Variants in EDDM13 observed in about 807,000 individuals in gnomAD.
EDDM13 encodes epididymal protein 13.
In EDDM13, 24 loss-of-function variants were observed where a neutral mutation model predicts 17.8. The ratio of observed to expected loss-of-function variants is 1.35; its 90% CI spans 0.98 to 1.90. The LOEUF (loss-of-function observed/expected upper bound fraction) is 1.90, where lower values mean the gene tolerates loss of function less well. Ranked by LOEUF, EDDM13 falls within the 40% of genes most tolerant of loss-of-function variation. The probability of loss-of-function intolerance (pLI) is 0.00; values close to 1 mark genes in which losing one functional copy is unlikely to be tolerated. For synonymous variants in EDDM13, 31 were observed against 37.5 expected (o/e 0.83, Z 0.63); for missense variants, 97 against 100.8 (o/e 0.96, Z 0.16).
At chr19:56,281,767 G>A (rs559930022) in intron 3 of EDDM13, 69 bp downstream of exon 3, 31 of 941,504 alleles carry the variant, frequency 3.3e-5, no homozygotes, top group Non-Finnish European at 3.7e-5. Context: ...GGAAGGGAAT[G>A]AAAGAGAGAG....
At position 56,276,086 on chromosome 19, in the gene EDDM13, C is replaced by T. The variant is rs1359962090; in HGVS notation, c.86-6C>T. On this transcript the variant is annotated splice_polypyrimidine_tract_variant and splice_region_variant and intron_variant, in intron 1 of 14. Coordinates refer to ENST00000649256, the MANE Select transcript of EDDM13 (RefSeq NM_001354658.2). ...TGAACTGGCTGGCTGATGCTTTTGT[C>T]TCCAGTTGCAACTAAAGAAAAAAGT... 6.6e-6 allele frequency among the ~76,000 whole-genome samples: 1 copy of T among 152,186 alleles called. No homozygotes were observed. The highest frequency in any genetic ancestry group is 2.4e-5 in the African/African-American group (1 of 41,444).
chr19:56,273,530 G>A (rs181603086), intron 1 of EDDM13, among the ~76,000 whole-genome samples: 23 of 152,324 alleles, frequency 1.5e-4, no homozygotes, highest in Non-Finnish European at 2.9e-4. Context: ...GGGATTCGGA[G>A]ATGGCCTCTC....
chr19:56,299,794 A>G (rs1005904672), intron 12 of EDDM13: 2 of 152,176 alleles, frequency 1.3e-5, no homozygotes, highest in Non-Finnish European at 1.5e-5. Context: ...GGGATTTTAA[A>G]AAGTATTTTT....
intron 14 of EDDM13, among the ~76,000 whole-genome samples, chr19:56,308,068 T>C (rs2040810816): frequency 6.6e-6 from 1 of 152,242 alleles, no homozygotes; most frequent in Admixed American, 6.5e-5. Context: ...AGGGTCTCGC[T>C]CTGTCGCCAG....
At chr19:56,297,585 G>C (rs1160598495) in intron 12 of EDDM13, 54 bp downstream of exon 12, 1 of 939,524 alleles carries the variant, frequency 1.1e-6, no homozygotes, top group Non-Finnish European at 1.3e-6. Flanking sequence ...TGTCCCTTCT[G>C]TCTGGGCTAT....
intron 12 of EDDM13, among the ~76,000 whole-genome samples, chr19:56,301,523 T>C (rs143121988): frequency 7.2e-5 from 11 of 152,324 alleles, no homozygotes; most frequent in Non-Finnish European, 1.3e-4. Context: ...TACCGCAACC[T>C]GTTTTATCAG....
chr19:56,303,066 C>A (rs1568728048), intron 13 of EDDM13: 1 of 394,652 alleles, frequency 2.5e-6, no homozygotes, highest in East Asian at 3.6e-5. Flanking sequence ...GAGGTGACAC[C>A]TCTGCTGTGG....
At chr19:56,306,416 C>T (rs55791386) in intron 14 of EDDM13, among the ~76,000 whole-genome samples, 284 of 14,712 alleles carry the variant, frequency 0.019, no homozygotes, top group Non-Finnish European at 0.023. Context: ...AGATGGGAGA[C>T]TTCTCTTCCC....
intron 4 of EDDM13, 178 bp from the exon 5 acceptor site, chr19:56,284,020 C>T (rs957600407): frequency 5.6e-6 from 1 of 178,986 alleles, no homozygotes; most frequent in Non-Finnish European, 1.1e-5. Flanking sequence ...CCTGACTGCT[C>T]ACCATGCATG....
In EDDM13 at chr19:56,294,099, A is replaced by G. The variant is rs1030031853; in HGVS notation, c.233-1860A>G. ...TGACAGCACTTTGCAAACTGAAAGC[A>G]GACCCAGCAGGAAAATCCCAAACAC... On this transcript the variant is annotated intron_variant, in intron 9 of 14. Transcript: ENST00000649256. Among the ~76,000 whole-genome samples, 3 of 152,208 alleles carry G rather than the reference A, an allele frequency of 2.0e-5. No individual in the cohort carries two copies. In the South Asian group the frequency reaches 6.2e-4, roughly 31 times the overall value.
chr19:56,303,733 C>A (rs992691733), intron 13 of EDDM13, among the ~76,000 whole-genome samples: 1 of 152,134 alleles, frequency 6.6e-6, no homozygotes, highest in African/African-American at 2.4e-5. Context: ...AAACAAGCAG[C>A]CAGCTCCAAA....
rs537438502 is a variant in EDDM13, at chr19:56,303,804, C to T, written c.424-989C>T. 3.2e-5 allele frequency among the ~76,000 whole-genome samples: 4 copies of T among 125,442 alleles called. No individual in the cohort carries two copies. In the East Asian group the frequency reaches 1.1e-3, roughly 34 times the overall value. 82.3% of individuals were successfully genotyped at this position (125,442 alleles called of 152,430 possible). ...AGCAGCCATGGCCACGGGCAGCCTTCCCCGGGCAGGTAACGTCTGGACATA... is the reference window on the plus strand; with the variant it reads ...AGCAGCCATGGCCACGGGCAGCCTTTCCCGGGCAGGTAACGTCTGGACATA... On this transcript the variant is annotated intron_variant, in intron 13 of 14. Coordinates refer to ENST00000649256, the MANE Select transcript of EDDM13 (RefSeq NM_001354658.2).
intron 2 of EDDM13, among the ~76,000 whole-genome samples, chr19:56,281,256 T>C (rs996947983): frequency 2.0e-5 from 3 of 152,154 alleles, no homozygotes; most frequent in African/African-American, 7.2e-5. Context: ...GGGGTTGGTC[T>C]TTCTGTCTCA....
intron 2 of EDDM13, among the ~76,000 whole-genome samples, chr19:56,276,534 T>TTTA (rs2038277005): frequency 7.1e-6 from 1 of 141,262 alleles, no homozygotes; most frequent in Non-Finnish European, 1.5e-5. Context: ...TGAGGGTTAT[T>TTTA]TTTATTTATT....
Position 56,284,206 on chromosome 19 carries a change from G to T in EDDM13, c.127G>T (p.Gly43Cys), listed in dbSNP as rs200203588. Reference protein sequence around the residue: ...EKINLLKGIIGLMSRLSPDGL... With the variant: ...EKINLLKGIICLMSRLSPDGL... ...GGATGGGCTGCCATCAGGGATCATA[G>T]GTAAGTACCTTGCCACTTCACAATG... is the stretch of plus-strand genomic sequence containing the variant. Residue 43 changes from glycine to cysteine, a missense_variant and splice_region_variant, in exon 5 of 15, where the codon GGT (glycine) becomes TGT (cysteine). Transcript: ENST00000649256. The T allele has an allele frequency of 1.0e-6, 1 of 985,266 alleles. No homozygotes were observed. The highest frequency in any genetic ancestry group is 4.7e-5 in the South Asian group (1 of 21,284). The allele number at this position is 985,266 out of a possible 1,614,324, so 61.0% of individuals were successfully genotyped here.
intron 2 of EDDM13, among the ~76,000 whole-genome samples, chr19:56,281,297 C>T (rs1268882048): frequency 6.6e-6 from 1 of 152,088 alleles, no homozygotes; most frequent in Non-Finnish European, 1.5e-5. Flanking sequence ...AAATGCACAT[C>T]TAAGTGGATA....
At chr19:56,290,915 C>T (rs2039466861) in intron 9 of EDDM13, among the ~76,000 whole-genome samples, 69 bp downstream of exon 9, 1 of 152,106 alleles carries the variant, frequency 6.6e-6, no homozygotes, top group South Asian at 2.1e-4. Context: ...AGGCAACTAT[C>T]CAAAGAAGGG....
intron 2 of EDDM13, among the ~76,000 whole-genome samples, chr19:56,280,895 C>CA (rs1333858745): frequency 6.6e-6 from 1 of 152,172 alleles, no homozygotes; most frequent in African/African-American, 2.4e-5. Flanking sequence ...GGTACACACT[C>CA]AAACCATAAC....
chr19:56,275,240 G>A (rs1407280965), intron 1 of EDDM13, among the ~76,000 whole-genome samples: 2 of 152,076 alleles, frequency 1.3e-5, no homozygotes, highest in Non-Finnish European at 2.9e-5. Context: ...TCCAATTTTT[G>A]CCCATTAATT....
Sources: allele counts gnomAD v4.1 joint callset (sites outside exome capture counted in the v4.1 genomes callset), GRCh38; gene constraint gnomAD v4.1.1; transcripts MANE v1.5; gene names NCBI Gene and HGNC (gene_info 2026-07-23, HGNC 2026-07-21).